DNER: variants seen among roughly 807,000 people sequenced by gnomAD.
DNER encodes the protein delta and Notch-like epidermal growth factor-related receptor.
DNER carries 33 observed loss-of-function variants against 78.2 expected under a neutral mutation model. The observed-to-expected ratio is 0.42, with a 90% CI of 0.32 to 0.56. The LOEUF (loss-of-function observed/expected upper bound fraction) is 0.56, where lower values mean the gene tolerates loss of function less well. DNER is among the 20% of genes least tolerant of loss of function. The pLI is 0.11. For synonymous variants in DNER, 417 were observed against 384.8 expected (o/e 1.08, Z -0.98); for missense variants, 918 against 975.3 (o/e 0.94, Z 0.78).
intron 1 of DNER, among the ~76,000 whole-genome samples, chr2:229,710,822 A>C (rs893247351): frequency 1.3e-5 from 2 of 152,146 alleles, no homozygotes; most frequent in African/African-American, 2.4e-5. Context: ...ATGTGCAGAA[A>C]GTTTACAAAG....
chr2:229,585,843 A>T lies in DNER; in HGVS notation c.847+15T>A. The stretch of plus-strand genomic sequence containing the variant: ...AATCAGATGCAGTGTTGAGTAGAAG[A>T]TTTTGGTAACTCACCAATAAAGTGA... On this transcript the variant is annotated intron_variant, in intron 4 of 12. Coordinates refer to ENST00000341772, the MANE Select transcript of DNER (RefSeq NM_139072.4). 1 of 1,613,650 alleles carries T rather than the reference A, an allele frequency of 6.2e-7. No individual in the cohort carries two copies. The highest frequency in any genetic ancestry group is 2.2e-5 in the East Asian group (1 of 44,868).
intron 1 of DNER, among the ~76,000 whole-genome samples, chr2:229,680,457 A>C (rs1159591411): frequency 1.3e-5 from 2 of 152,246 alleles, no homozygotes; most frequent in Non-Finnish European, 2.9e-5. Context: ...TAATAACCAG[A>C]GAAGAACCAC....
rs146328067 is a variant in DNER, at chr2:229,585,908, C to G, written c.797G>C (p.Gly266Ala). ...RSVTPLQASG[G>A]LVLLEEMLAL... ...GAGCATCTCCTCCAGGAGGACCAGTCCCCCTGAAGCCTGAAGGGGGGTCAC... is the reference window on the plus strand; with the variant it reads ...GAGCATCTCCTCCAGGAGGACCAGTGCCCCTGAAGCCTGAAGGGGGGTCAC... The change falls in exon 4 of 13, where the codon GGA (glycine) becomes GCA (alanine). Residue 266 changes from glycine (G) to alanine (A), a missense_variant. Transcript: ENST00000341772. The G allele has an allele frequency of 1.9e-6, 3 of 1,614,022 alleles. No homozygotes were observed. The highest frequency in any genetic ancestry group is 1.1e-5 in the South Asian group (1 of 91,062).
At chr2:229,406,044 G>A (rs1461546899) in intron 10 of DNER, among the ~76,000 whole-genome samples, 1 of 152,182 alleles carries the variant, frequency 6.6e-6, no homozygotes, top group Non-Finnish European at 1.5e-5. Context: ...GAAAACATAA[G>A]CTGTGACACT....
chr2:229,696,541 G>A (rs1463818963), intron 1 of DNER, among the ~76,000 whole-genome samples: 1 of 152,180 alleles, frequency 6.6e-6, no homozygotes, highest in Non-Finnish European at 1.5e-5. Context: ...ATTCCCAGTG[G>A]CTCAAGTGCC....
chr2:229,559,786 C>T (rs1426351860), intron 4 of DNER, among the ~76,000 whole-genome samples: 2 of 152,140 alleles, frequency 1.3e-5, no homozygotes, highest in African/African-American at 4.8e-5. Context: ...TGTTAACACC[C>T]TTGAGTAACT....
At chr2:229,387,516 AAAGAAAGAAAGAAAGAAAGAAAGAAAG>A (rs1692907136) in intron 11 of DNER, among the ~76,000 whole-genome samples, 1 of 93,702 alleles carries the variant, frequency 1.1e-5, no homozygotes, top group African/African-American at 4.2e-5. Flanking sequence ...AGAGAGAAAG[AAAGAAAGAAAGAAAGAAAGAAAGAAAG>A]AAAGAAAGAA....
At chr2:229,714,034 G>T in intron 1 of DNER, 114 bp downstream of exon 1, 1 of 1,060,030 alleles carries the variant, frequency 9.4e-7, no homozygotes, top group Non-Finnish European at 1.2e-6. Context: ...TCTTCCCAAA[G>T]TGGGAAAGCC....
intron 1 of DNER, among the ~76,000 whole-genome samples, chr2:229,660,796 G>C (rs551423275): frequency 6.6e-6 from 1 of 152,252 alleles, no homozygotes; most frequent in South Asian, 2.1e-4. Context: ...TAACTCTAGT[G>C]ACCTTAACCT....
chr2:229,659,267 C>A (rs1277318572), intron 1 of DNER, among the ~76,000 whole-genome samples: 1 of 152,110 alleles, frequency 6.6e-6, no homozygotes, highest in Non-Finnish European at 1.5e-5. Context: ...AGCTATTAAA[C>A]CTTTCTTTAA....
In DNER at chr2:229,714,058, C is replaced by A. The variant is rs1699952301; in HGVS notation, c.276+90G>T. ...AGTGGGAAAGCCTGTGTCAGGCGTG[C>A]CCATTGTCGGGCAGCAGCAGCAGGG... On this transcript the variant is annotated intron_variant, in intron 1 of 12. Coordinates refer to ENST00000341772, the MANE Select transcript of DNER (RefSeq NM_139072.4). 1.5e-5 allele frequency: 17 copies of A among 1,167,048 alleles called. No individual in the cohort carries two copies. In the South Asian group the frequency reaches 4.8e-4, roughly 33 times the overall value. 72.3% of individuals were successfully genotyped at this position (1,167,048 alleles called of 1,614,324 possible). A position where few individuals can be genotyped will look rare whatever the true frequency, so the allele number is the denominator to read the frequency against.
chr2:229,689,155 A>G (rs1256964096), intron 1 of DNER, among the ~76,000 whole-genome samples: 1 of 152,196 alleles, frequency 6.6e-6, no homozygotes, highest in African/African-American at 2.4e-5. Flanking sequence ...AATTAAAATT[A>G]AATGAACTCC....
At chr2:229,466,797 A>G (rs11686561) in intron 7 of DNER, among the ~76,000 whole-genome samples, 70,600 of 152,088 alleles carry the variant, frequency 0.46, 16,560 homozygotes, top group African/African-American at 0.5. Flanking sequence ...TGTAGAGCAC[A>G]CTGTTCAGTT....
At chr2:229,683,633 CGAT>C (rs925959231) in intron 1 of DNER, among the ~76,000 whole-genome samples, 1 of 151,880 alleles carries the variant, frequency 6.6e-6, no homozygotes, top group Non-Finnish European at 1.5e-5. Flanking sequence ...ATGATGGTGA[CGAT>C]GATGATGATG....
intron 10 of DNER, among the ~76,000 whole-genome samples, chr2:229,404,688 G>A (rs115253740): frequency 1.3e-5 from 2 of 152,296 alleles, no homozygotes; most frequent in African/African-American, 4.8e-5. Context: ...TGAGTTTGGG[G>A]TGTCTCTGAG....
intron 1 of DNER, among the ~76,000 whole-genome samples, chr2:229,594,384 T>C (rs1697665695): frequency 1.3e-5 from 2 of 152,258 alleles, no homozygotes; most frequent in East Asian, 3.9e-4. Flanking sequence ...GTGAGGAGTT[T>C]GAGACCAGCC....
At chr2:229,447,079 A>AAACCTGCC (rs1316433895) in intron 8 of DNER, among the ~76,000 whole-genome samples, 1 of 152,196 alleles carries the variant, frequency 6.6e-6, no homozygotes, top group Non-Finnish European at 1.5e-5. Flanking sequence ...TGAAATGATG[A>AAACCTGCC]AAGAGTATTT....
At chr2:229,505,325 C>CTAA in intron 6 of DNER, among the ~76,000 whole-genome samples, 1 of 152,046 alleles carries the variant, frequency 6.6e-6, no homozygotes, top group East Asian at 1.9e-4. Flanking sequence ...AAGAAGAAAC[C>CTAA]TTCTTAAGGA....
At chr2:229,615,110 G>GTTTA (rs1698127383) in intron 1 of DNER, among the ~76,000 whole-genome samples, 1 of 152,144 alleles carries the variant, frequency 6.6e-6, no homozygotes, top group Admixed American at 6.6e-5. Flanking sequence ...CGTCCAAAGG[G>GTTTA]TTTAGAATTG....
Sources: gnomAD v4.1 joint callset for allele counts (sites outside exome capture counted in the v4.1 genomes callset) on GRCh38, gnomAD v4.1.1 for gene constraint, MANE v1.5 for transcripts, NCBI Gene and HGNC (gene_info 2026-07-23, HGNC 2026-07-21) for gene names.